ATP6V1H: variants seen among roughly 807,000 people sequenced by gnomAD.
The protein encoded by ATP6V1H is ATPase H+ transporting V1 subunit H.
Under a neutral mutation model 71.7 loss-of-function variants are expected in ATP6V1H, and 39 were observed. The observed-to-expected ratio is 0.54, with a 90% CI of 0.42 to 0.71. The LOEUF (loss-of-function observed/expected upper bound fraction) is 0.71. Ranked by LOEUF, ATP6V1H falls within the 30% of genes least tolerant of loss-of-function variation. ATP6V1H has a pLI of 0.00. For synonymous variants in ATP6V1H, 192 were observed against 199.3 expected, an observed-to-expected ratio of 0.96 and a Z score of 0.31; for missense variants, 509 against 594.9, an observed-to-expected ratio of 0.86 and a Z score of 1.50.
chr8:53,831,796 A>C (rs376072507), intron 3 of ATP6V1H: 6 of 104,606 alleles, frequency 5.7e-5, no homozygotes, highest in African/African-American at 2.4e-4. Context: ...ACGAAGTTTT[A>C]CCATGTTGGC....
At position 53,799,233 on chromosome 8, in the gene ATP6V1H, T is replaced by C. The variant is rs1809836442; in HGVS notation, c.677+2566A>G. ...ACATATTATTGAATTTTAGTTGTCTTATGCTGTTTTATCATCCTATATATT... is the reference window on the plus strand; with the variant it reads ...ACATATTATTGAATTTTAGTTGTCTCATGCTGTTTTATCATCCTATATATT... On this transcript the variant is annotated intron_variant, in intron 8 of 13. Transcript: ENST00000359530. 2.6e-5 allele frequency among the ~76,000 whole-genome samples: 4 copies of C among 152,198 alleles called. No individual in the cohort carries two copies. In the South Asian group the frequency reaches 8.3e-4, roughly 32 times the overall value.
At chr8:53,728,059 T>C (rs1806879344) in intron 13 of ATP6V1H, among the ~76,000 whole-genome samples, 1 of 152,178 alleles carries the variant, frequency 6.6e-6, no homozygotes, top group Admixed American at 6.5e-5. Context: ...GATCTAAGAG[T>C]TCCCACCTGG....
chr8:53,766,159 C>T (rs1047978222), intron 11 of ATP6V1H, among the ~76,000 whole-genome samples: 20 of 152,142 alleles, frequency 1.3e-4, no homozygotes, highest in Non-Finnish European at 2.8e-4. Context: ...ACGGAGGGAC[C>T]GGCTGAAGCC....
intron 4 of ATP6V1H, among the ~76,000 whole-genome samples, chr8:53,823,642 A>G (rs1400684994): frequency 6.6e-6 from 1 of 152,210 alleles, no homozygotes; most frequent in East Asian, 1.9e-4. Flanking sequence ...ACACCTGGCT[A>G]ATTTTTTATT....
intron 8 of ATP6V1H, among the ~76,000 whole-genome samples, chr8:53,796,258 T>C (rs1052370058): frequency 6.6e-6 from 1 of 152,076 alleles, no homozygotes; most frequent in African/African-American, 2.4e-5. Flanking sequence ...AAACCTGTGA[T>C]GGGTTCAAAT....
intron 2 of ATP6V1H, among the ~76,000 whole-genome samples, chr8:53,834,118 T>G (rs1455916584): frequency 6.6e-6 from 1 of 152,120 alleles, no homozygotes; most frequent in African/African-American, 2.4e-5. Context: ...CAGGATTCAT[T>G]CAAGTCAGCT....
chr8:53,805,722 T>C (rs1810057965), intron 7 of ATP6V1H, among the ~76,000 whole-genome samples: 1 of 152,106 alleles, frequency 6.6e-6, no homozygotes, highest in African/African-American at 2.4e-5. Flanking sequence ...GCAAAATTAT[T>C]CACAAGAGTC....
chr8:53,731,126 G>C (rs1807004915), intron 13 of ATP6V1H, among the ~76,000 whole-genome samples: 1 of 152,092 alleles, frequency 6.6e-6, no homozygotes, highest in Non-Finnish European at 1.5e-5. Flanking sequence ...CCGACACACA[G>C]CAGGCTCACA....
At chr8:53,765,399 C>CAA (rs36191418) in intron 11 of ATP6V1H, among the ~76,000 whole-genome samples, 2 of 39,750 alleles carry the variant, frequency 5.0e-5, no homozygotes, top group East Asian at 7.7e-4. Flanking sequence ...GACTCTGTCT[C>CAA]AAAAAAAAAA....
intron 2 of ATP6V1H, among the ~76,000 whole-genome samples, chr8:53,834,253 C>T (rs1200548529): frequency 2.6e-5 from 4 of 152,148 alleles, no homozygotes; most frequent in Non-Finnish European, 4.4e-5. Flanking sequence ...ACCAGTAAAA[C>T]AGCAACTATG....
chr8:53,765,431 G>A (rs918938165), intron 11 of ATP6V1H, among the ~76,000 whole-genome samples: 1 of 97,506 alleles, frequency 1.0e-5, no homozygotes, highest in Non-Finnish European at 2.4e-5. Flanking sequence ...AGGGCGGGGA[G>A]GGTGGTGGAC....
chr8:53,755,733 T>C (rs1333547003), intron 12 of ATP6V1H, among the ~76,000 whole-genome samples: 3 of 5,622 alleles, frequency 5.3e-4, no homozygotes, highest in Admixed American at 2.4e-3. Context: ...TATATATATA[T>C]ATATATATAT....
intron 9 of ATP6V1H, among the ~76,000 whole-genome samples, chr8:53,790,113 T>A (rs1809522039): frequency 6.6e-6 from 1 of 152,206 alleles, no homozygotes; most frequent in Admixed American, 6.5e-5. Flanking sequence ...ACAGGGACCC[T>A]CTCTCTCTAG....
intron 7 of ATP6V1H, among the ~76,000 whole-genome samples, chr8:53,805,557 T>A (rs1437421021): frequency 2.6e-5 from 4 of 152,298 alleles, no homozygotes; most frequent in Middle Eastern, 3.4e-3. Context: ...GGAATTTTCA[T>A]GCTTTGTTGA....
intron 5 of ATP6V1H, 45 bp downstream of exon 5, chr8:53,817,372 T>C (rs1410752063): frequency 2.9e-6 from 4 of 1,389,690 alleles, no homozygotes; most frequent in Non-Finnish European, 4.0e-6. Flanking sequence ...ACCCTCTCTC[T>C]TTAAAAAAAT....
Position 53,812,919 on chromosome 8 carries a change from T to G in ATP6V1H, c.526-1702A>C, listed in dbSNP as rs145171890. Among the ~76,000 whole-genome samples the G allele has an allele frequency of 7.8e-3, 1,194 of 152,228 alleles. 4 individuals carry two copies. The highest frequency in any genetic ancestry group is 0.015 in the South Asian group (74 of 4,812). ...TATGTTGCCCAGGCTGGTCTCAAAC[T>G]CCTGGGCTCAAGTAATTGGCCTGCC... is the stretch of plus-strand genomic sequence containing the variant. On this transcript the variant is annotated intron_variant, in intron 6 of 13. Transcript: ENST00000359530.
At chr8:53,834,646 G>C (rs887250321) in intron 2 of ATP6V1H, among the ~76,000 whole-genome samples, 12 of 151,800 alleles carry the variant, frequency 7.9e-5, no homozygotes, top group African/African-American at 2.9e-4. Flanking sequence ...GGCTGCTCTC[G>C]AACTCCTGAT....
chr8:53,830,223 T>C (rs1375534669), intron 3 of ATP6V1H, among the ~76,000 whole-genome samples: 1 of 152,214 alleles, frequency 6.6e-6, no homozygotes, highest in African/African-American at 2.4e-5. Flanking sequence ...GTTTTAAGTA[T>C]GCAACAGCAT....
intron 5 of ATP6V1H, among the ~76,000 whole-genome samples, chr8:53,815,574 T>C (rs1168536903): frequency 3.3e-5 from 5 of 152,214 alleles, no homozygotes; most frequent in Non-Finnish European, 7.4e-5. Flanking sequence ...TGTCAGACAC[T>C]TAAGTGTTCT....
Sources: gnomAD v4.1 joint callset for allele counts (sites outside exome capture counted in the v4.1 genomes callset) on GRCh38, gnomAD v4.1.1 for gene constraint, MANE v1.5 for transcripts, NCBI Gene and HGNC (gene_info 2026-07-23, HGNC 2026-07-21) for gene names.